The following ITCH variants were observed in gnomAD, a reference collection of about 807,000 sequenced individuals.
ITCH encodes E3 ubiquitin-protein ligase Itchy homolog.
In ITCH, 28 loss-of-function variants were observed where a neutral mutation model predicts 126.8. The ratio of observed to expected loss-of-function variants is 0.22; its 90% CI spans 0.16 to 0.30. The LOEUF (loss-of-function observed/expected upper bound fraction) is 0.30, where lower values mean the gene tolerates loss of function less well. Among genes scored for constraint, ITCH ranks in the 10% least tolerant of loss-of-function variants. The pLI, the probability that ITCH is intolerant of heterozygous loss-of-function variation, is 1.00. For missense variants in ITCH, 631 were observed against 1,032.4 expected (o/e 0.61, Z 5.33); for synonymous variants, 342 against 340.0 (o/e 1.01, Z -0.06).
chr20:34,447,882 T>A (rs1361510474), intron 11 of ITCH, among the ~76,000 whole-genome samples: 1 of 152,118 alleles, frequency 6.6e-6, no homozygotes, highest in African/African-American at 2.4e-5. Context: ...GCCGGTGACA[T>A]GGGGTTGTAG....
At chr20:34,484,906 T>TC (rs1263636864) in intron 20 of ITCH, among the ~76,000 whole-genome samples, 1 of 152,194 alleles carries the variant, frequency 6.6e-6, no homozygotes, top group Non-Finnish European at 1.5e-5. Flanking sequence ...AACTTTTTTT[T>TC]CTATTCTGGA....
intron 23 of ITCH, 141 bp from the exon 24 acceptor site, chr20:34,504,182 AGAGTTTCT>A: frequency 1.4e-6 from 1 of 692,784 alleles, no homozygotes; most frequent in African/African-American, 1.8e-5. Flanking sequence ...CACCTAACCC[AGAGTTTCT>A]GAATTAGTAA....
intron 7 of ITCH, among the ~76,000 whole-genome samples, chr20:34,436,747 A>G (rs1440598640): frequency 1.3e-5 from 2 of 152,258 alleles, no homozygotes; most frequent in Non-Finnish European, 1.5e-5. Flanking sequence ...GCTCCTGTAT[A>G]GTGCTCGTCC....
chr20:34,459,729 C>T (rs755144709), intron 13 of ITCH, among the ~76,000 whole-genome samples: 11 of 152,154 alleles, frequency 7.2e-5, no homozygotes, highest in Non-Finnish European at 1.6e-4. Context: ...GAGTGTGACT[C>T]TGCCTCAAAA....
chr20:34,397,473 C>T (rs2038718744), intron 3 of ITCH, among the ~76,000 whole-genome samples: 1 of 152,152 alleles, frequency 6.6e-6, no homozygotes, highest in African/African-American at 2.4e-5. Flanking sequence ...TTATCATCCC[C>T]TGTATTTTAG....
At chr20:34,420,145 A>G (rs1016487587) in intron 6 of ITCH, among the ~76,000 whole-genome samples, 18 of 152,180 alleles carry the variant, frequency 1.2e-4, no homozygotes, top group African/African-American at 4.1e-4. Context: ...TATAAAGTGT[A>G]CACCTTAATG....
chr20:34,364,134 A>G (rs1390277405), intron 1 of ITCH, among the ~76,000 whole-genome samples: 3 of 152,222 alleles, frequency 2.0e-5, no homozygotes. Context: ...AGAAAAGAGA[A>G]TCGCAGAATT....
At chr20:34,370,228 T>A (rs2037569669) in intron 2 of ITCH, among the ~76,000 whole-genome samples, 1 of 152,204 alleles carries the variant, frequency 6.6e-6, no homozygotes. Flanking sequence ...GCGAGTTATT[T>A]AATCTTGCCA....
chr20:34,454,836 T>G (rs1985718699), intron 12 of ITCH, among the ~76,000 whole-genome samples: 1 of 87,500 alleles, frequency 1.1e-5, no homozygotes, highest in Non-Finnish European at 2.6e-5. Context: ...TTTTTTTTTT[T>G]TTTTTTTTTT....
chr20:34,456,716 ATATT>A (rs1165780271), intron 12 of ITCH, among the ~76,000 whole-genome samples: 1 of 149,868 alleles, frequency 6.7e-6, no homozygotes, highest in Non-Finnish European at 1.5e-5. Context: ...TCAAATATAT[ATATT>A]AGTGGGCTGC....
chr20:34,488,803 G>A (rs1236759596), intron 20 of ITCH, among the ~76,000 whole-genome samples: 4 of 152,178 alleles, frequency 2.6e-5, no homozygotes, highest in Non-Finnish European at 5.9e-5. Flanking sequence ...TTTGGATGGC[G>A]GAGGCAGGAA....
At chr20:34,367,144 T>C (rs2037450264) in intron 1 of ITCH, among the ~76,000 whole-genome samples, 1 of 152,150 alleles carries the variant, frequency 6.6e-6, no homozygotes, top group Non-Finnish European at 1.5e-5. Context: ...GAAAGAACTA[T>C]GTCAGGTGTA....
At chr20:34,436,255 T>C (rs1196083168) in intron 7 of ITCH, among the ~76,000 whole-genome samples, 1 of 152,236 alleles carries the variant, frequency 6.6e-6, no homozygotes, top group Non-Finnish European at 1.5e-5. Flanking sequence ...GAAAGATTTT[T>C]AGGCATCTTG....
chr20:34,449,690 T>G (rs1984955738), intron 12 of ITCH, among the ~76,000 whole-genome samples: 1 of 152,158 alleles, frequency 6.6e-6, no homozygotes, highest in Admixed American at 6.5e-5. Flanking sequence ...AAACTTTTAT[T>G]GACGCTCATA....
In ITCH at chr20:34,477,851, G is replaced by C; in HGVS notation, c.1649G>C (p.Gly550Ala). 1.2e-6 allele frequency: 2 copies of C among 1,613,186 alleles called. No individual in the cohort carries two copies. Among genetic ancestry groups the C allele is most frequent in the South Asian group, 2.2e-5 (2 of 91,044 alleles). ...GGAGAAGAAGGTTTAGATTATGGAG[G>C]TGTAGCAAGGTAGTGATAATATGAA... Reference protein sequence around the residue: ...FPGEEGLDYGGVAREWFFLLS... With the variant: ...FPGEEGLDYGAVAREWFFLLS... The change falls in exon 17 of 25, where the codon GGT becomes GCT. Residue 550 changes from glycine (G) to alanine (A), a missense_variant. By Grantham distance (60) the Gly-to-Ala change is moderately conservative. Around this residue, in one of 4 missense-constraint regions of ITCH, gnomAD observed 390 missense variants for 731.6 expected, o/e 0.53. Coordinates refer to ENST00000374864, the MANE Select transcript of ITCH (RefSeq NM_031483.7).
At chr20:34,426,354 C>G (rs1981512357) in intron 7 of ITCH, among the ~76,000 whole-genome samples, 2 of 152,080 alleles carry the variant, frequency 1.3e-5, no homozygotes, top group South Asian at 2.1e-4. Context: ...GAACAAAATA[C>G]TGATGGTTGT....
At chr20:34,372,173 C>T (rs1282294065) in intron 2 of ITCH, among the ~76,000 whole-genome samples, 3 of 150,354 alleles carry the variant, frequency 2.0e-5, no homozygotes, top group African/African-American at 7.3e-5. Flanking sequence ...GGCGTGGTGG[C>T]GGGCGCCTGT....
At chr20:34,497,833 C>T (rs911374661) in intron 23 of ITCH, among the ~76,000 whole-genome samples, 7 of 152,238 alleles carry the variant, frequency 4.6e-5, no homozygotes, top group African/African-American at 1.7e-4. Context: ...CCACCTTGGC[C>T]TCCCAAAGTG....
At chr20:34,442,507 A>C (rs569915102) in intron 10 of ITCH, among the ~76,000 whole-genome samples, 2 of 152,138 alleles carry the variant, frequency 1.3e-5, no homozygotes, top group Non-Finnish European at 2.9e-5. Context: ...GTTTTCACGC[A>C]TATTTCTTTC....
Sources: gnomAD v4.1 joint callset for allele counts (sites outside exome capture counted in the v4.1 genomes callset) on GRCh38, gnomAD v4.1.1 for gene constraint, gnomAD v4.1.1 regional missense constraint, MANE v1.5 for transcripts, NCBI Gene and HGNC (gene_info 2026-07-23, HGNC 2026-07-21) for gene names.